EHMT2: variants seen among roughly 807,000 people sequenced by gnomAD.
The protein encoded by EHMT2 is euchromatic histone lysine methyltransferase 2, also known as histone-lysine N-methyltransferase EHMT2.
In EHMT2, 59 loss-of-function variants were observed where a neutral mutation model predicts 143.3. That is an observed-to-expected ratio of 0.41 (90% CI 0.33 to 0.51). The LOEUF (loss-of-function observed/expected upper bound fraction) is 0.51. Ranked by LOEUF, EHMT2 falls within the 20% of genes least tolerant of loss-of-function variation. EHMT2 has a pLI of 0.18. For synonymous variants in EHMT2, 604 were observed against 651.5 expected (o/e 0.93, Z 1.11); for missense variants, 1,174 against 1,645.9 (o/e 0.71, Z 4.96).
At position 31,883,460 on chromosome 6, in the gene EHMT2, T is replaced by C; in HGVS notation, c.2917-21A>G. On this transcript the variant is annotated intron_variant, in intron 22 of 27. Coordinates refer to ENST00000375537, the Ensembl canonical transcript of EHMT2. The surrounding 1 kb of genome is among the most constrained non-coding windows in gnomAD (Gnocchi z 5.6). ...CAGTGCTGGGGCGAGGAGGCAGAGG[T>C]CAGCTCAACCCCATGATCGGTCTGG... 3.7e-6 allele frequency: 6 copies of C among 1,607,404 alleles called. No individual in the cohort carries two copies. The highest frequency in any genetic ancestry group is 5.1e-6 in the Non-Finnish European group (6 of 1,177,224).
At chr6:31,893,104 C>T (rs1345915362) in intron 4 of EHMT2, 194 bp from the exon 5 acceptor site, 1 of 569,592 alleles carries the variant, frequency 1.8e-6, no homozygotes, top group African/African-American at 1.9e-5. Flanking sequence ...AACACTCACT[C>T]ATCTCTGCAA....
intron 7 of EHMT2, among the ~76,000 whole-genome samples, 165 bp downstream of exon 7, chr6:31,892,242 C>T (rs1179838033): frequency 6.6e-6 from 1 of 151,780 alleles, no homozygotes; most frequent in East Asian, 1.9e-4. Flanking sequence ...ATTCCGTCTC[C>T]CCCCACAAAA....
At position 31,886,804 on chromosome 6, in the gene EHMT2, C is replaced by T. The variant is rs760183254; in HGVS notation, c.2212G>A (p.Val738Met). 1.9e-6 allele frequency: 3 copies of T among 1,614,138 alleles called. No homozygotes were observed. Among genetic ancestry groups the T allele is most frequent in the Non-Finnish European group, 2.5e-6 (3 of 1,180,054 alleles). Residue 738 changes from valine (V) to methionine (M), a missense_variant, in exon 17 of 28, where the codon GTG (valine) becomes ATG (methionine). By Grantham distance (21) the Val-to-Met change is conservative. Around this residue, in one of 6 missense-constraint regions of EHMT2, gnomAD observed 608 missense variants for 903.7 expected, o/e 0.67. Transcript: ENST00000375537. Reference sequence around the variant, plus strand: ...CTATAGACACAGCCACCACGCTGCACCATGTAACGGGCTACCTCCAGGTGG... The same window carrying T: ...CTATAGACACAGCCACCACGCTGCATCATGTAACGGGCTACCTCCAGGTGG...
rs779555354 is a variant in EHMT2, at chr6:31,888,773, A to G, written c.1217-26T>C. The G allele has an allele frequency of 1.2e-6, 2 of 1,610,096 alleles. No individual in the cohort carries two copies. Among genetic ancestry groups the G allele is most frequent in the South Asian group, 2.2e-5 (2 of 90,940 alleles). ...CTTGGATGGAGGAAAAGAGGAGCTGAGGGAGGCTCTGCACCTCACCTACTG... is the reference window on the plus strand; with the variant it reads ...CTTGGATGGAGGAAAAGAGGAGCTGGGGGAGGCTCTGCACCTCACCTACTG... On this transcript the variant is annotated intron_variant, in intron 10 of 27. Transcript: ENST00000375537. The surrounding 1 kb of genome is among the most constrained non-coding windows in gnomAD (Gnocchi z 7.4).
intron 1 of EHMT2, 77 bp downstream of exon 1, chr6:31,897,559 G>C: frequency 2.9e-6 from 3 of 1,040,162 alleles, no homozygotes; most frequent in Non-Finnish European, 3.5e-6. Flanking sequence ...TTGCACCCCC[G>C]GAGCATTGCA....
In EHMT2 at chr6:31,892,380, G is replaced by A. The variant is rs546829629; in HGVS notation, c.864+27C>T. 255 of 1,606,184 alleles carry A rather than the reference G, an allele frequency of 1.6e-4. 3 individuals are homozygous for A. The South Asian group carries it at 1.8e-3, about 11-fold the overall frequency. On this transcript the variant is annotated intron_variant, in intron 7 of 27. Transcript: ENST00000375537. Reference sequence around the variant, plus strand: ...GCCCCAGCCCTGGGGGAGCACCGGCGGGGAGGGCAGACCAGCTCTGTCTCA... The same window carrying A: ...GCCCCAGCCCTGGGGGAGCACCGGCAGGGAGGGCAGACCAGCTCTGTCTCA...
chr6:31,883,004 C>T lies in EHMT2; in HGVS notation c.3000G>A (p.Gly1000=), dbSNP rs764263583. The T allele has an allele frequency of 2.5e-6, 4 of 1,612,746 alleles. No homozygotes were observed. The highest frequency in any genetic ancestry group is 1.1e-5 in the South Asian group (1 of 91,066). ...TCTTGTTAAATTCCTGGAGCAATCG[C>T]CCATCCTAGGGTGCGGAGGGGAGGA... The change falls in exon 24 of 28, where the codon GGG becomes GGA. Residue 1000 remains glycine (G), a synonymous_variant. Transcript: ENST00000375537. The surrounding 1 kb of genome is among the most constrained non-coding windows in gnomAD (Gnocchi z 5.6).
intron 4 of EHMT2, 178 bp from the exon 5 acceptor site, chr6:31,893,088 C>A: frequency 3.5e-6 from 2 of 575,276 alleles, no homozygotes; most frequent in South Asian, 4.6e-5. Context: ...GAGTGTCAAG[C>A]ACACTAACAC....
chr6:31,880,973 A>C lies in EHMT2; in HGVS notation c.3276+41T>G, dbSNP rs17201368. 7,646 of 1,609,358 alleles carry C rather than the reference A, an allele frequency of 4.8e-3. 287 individuals carry two copies. The African/African-American group carries it at 0.085, about 18-fold the overall frequency. On this transcript the variant is annotated intron_variant, in intron 26 of 27. Coordinates refer to ENST00000375537, the Ensembl canonical transcript of EHMT2. The surrounding 1 kb of genome is among the most constrained non-coding windows in gnomAD (Gnocchi z 6.6). ...GACTTCCCAGAGGCTCCTGAAAGCC[A>C]GCCCTGGGGAGCAGCAGGGTAAGGA...
In EHMT2 at chr6:31,880,032, A is replaced by C. The variant is rs188418210; in HGVS notation, c.*52T>G. ...GGCTGCGAGCAGCTGGTGGCAGAGG[A>C]GGCGGCTGAGCTGTGGCCATCCATG... On this transcript the variant is annotated 3_prime_UTR_variant, in exon 28 of 28. Coordinates refer to ENST00000375537, the Ensembl canonical transcript of EHMT2. This position sits in a 1 kb window ranked among gnomAD's most constrained non-coding sequence, Gnocchi z 6.6. 746 of 1,579,738 alleles carry C rather than the reference A, an allele frequency of 4.7e-4. 11 individuals are homozygous for C. In the East Asian group the frequency reaches 6.3e-3, roughly 13 times the overall value.
Position 31,892,395 on chromosome 6 carries a change from G to A in EHMT2, c.864+12C>T. The A allele has an allele frequency of 1.2e-6, 2 of 1,611,298 alleles. No individual in the cohort carries two copies. Among genetic ancestry groups the A allele is most frequent in the Non-Finnish European group, 8.5e-7 (1 of 1,178,788 alleles). On this transcript the variant is annotated intron_variant, in intron 7 of 27. Transcript: ENST00000375537. ...GAGCACCGGCGGGGAGGGCAGACCA[G>A]CTCTGTCTCACCTTGCTGTCGGAGT... is the stretch of plus-strand genomic sequence containing the variant.
At chr6:31,894,532 C>T (rs1156272598) in intron 4 of EHMT2, among the ~76,000 whole-genome samples, 1 of 151,870 alleles carries the variant, frequency 6.6e-6, no homozygotes, top group Non-Finnish European at 1.5e-5. Context: ...ATCCTCCCGC[C>T]TCGGCCTCCA....
Position 31,883,316 on chromosome 6 carries a change from C to T in EHMT2, c.2994+46G>A. The stretch of plus-strand genomic sequence containing the variant: ...GCTGGTTTATTGGAGGCTGGCTCCT[C>T]TGAAGGAGGGGCCGGGTGTCTGTGG... On this transcript the variant is annotated intron_variant, in intron 23 of 27. Transcript: ENST00000375537. This position sits in a 1 kb window ranked among gnomAD's most constrained non-coding sequence, Gnocchi z 5.6. The T allele has an allele frequency of 1.3e-6, 2 of 1,596,346 alleles. No homozygotes were observed. Among genetic ancestry groups the T allele is most frequent in the Non-Finnish European group, 1.7e-6 (2 of 1,166,128 alleles).
chr6:31,889,728 T>G lies in EHMT2; in HGVS notation c.865-126A>C, dbSNP rs1355953068. 1 of 1,227,318 alleles carries G rather than the reference T, an allele frequency of 8.1e-7. No individual in the cohort carries two copies. The highest frequency in any genetic ancestry group is 1.2e-6 in the Non-Finnish European group (1 of 861,120). The allele number at this position is 1,227,318 out of a possible 1,614,324, so 76.0% of individuals were successfully genotyped here. A position where few individuals can be genotyped will look rare whatever the true frequency, so the allele number is the denominator to read the frequency against. ...GATGGCTGCTGGGGATAAGTGTGGG[T>G]AGCAGAGGAGACAAAGGGCCACATA... On this transcript the variant is annotated intron_variant, in intron 7 of 27. Transcript: ENST00000375537. This position sits in a 1 kb window ranked among gnomAD's most constrained non-coding sequence, Gnocchi z 5.1.
rs940255172 is a variant in EHMT2 at position 31,883,173 on chromosome 6, A to G, written c.2995-164T>C. The G allele has an allele frequency of 4.6e-6, 4 of 866,754 alleles. No individual in the cohort carries two copies. The African/African-American group carries it at 6.7e-5, about 15-fold the overall frequency. 53.7% of individuals were successfully genotyped at this position (866,754 alleles called of 1,614,324 possible). On this transcript the variant is annotated intron_variant, in intron 23 of 27. Coordinates refer to ENST00000375537, the Ensembl canonical transcript of EHMT2. The surrounding 1 kb of genome is among the most constrained non-coding windows in gnomAD (Gnocchi z 5.6). Reference sequence around the variant, plus strand: ...TGCAGGAGCATCATCCCTGGTTTGCATAGACCTGGGCACACGCCCATCGCT... The same window carrying G: ...TGCAGGAGCATCATCCCTGGTTTGCGTAGACCTGGGCACACGCCCATCGCT...
rs1269102793 is a variant in EHMT2 at position 31,886,981 on chromosome 6, G to T, written c.2118+14C>A. The T allele has an allele frequency of 6.2e-7, 1 of 1,613,922 alleles. No individual in the cohort carries two copies. The highest frequency in any genetic ancestry group is 1.1e-5 in the South Asian group (1 of 91,080). On this transcript the variant is annotated intron_variant, in intron 16 of 27. Transcript: ENST00000375537. ...GGCCTGGTGAATGAGGCATGGGGCC[G>T]GGCCCGTGCTGACCTGCAGCAGCAC... is the stretch of plus-strand genomic sequence containing the variant.
At position 31,884,393 on chromosome 6, in the gene EHMT2, G is replaced by C. The variant is rs778474244; in HGVS notation, c.2770C>G (p.Arg924Gly). Residue 924 changes from arginine (R) to glycine (G), a missense_variant and splice_region_variant, in exon 21 of 28, where the codon CGG becomes GGG. Coordinates refer to ENST00000375537, the Ensembl canonical transcript of EHMT2. This position sits in a 1 kb window ranked among gnomAD's most constrained non-coding sequence, Gnocchi z 7.3. Reference sequence around the variant, plus strand: ...TGCAGAGAGGGGCCCAGGGCTCACCGGCAGATGATCTTCTCTGTGCGGATG... The same window carrying C: ...TGCAGAGAGGGGCCCAGGGCTCACCCGCAGATGATCTTCTCTGTGCGGATG... 1 of 1,611,126 alleles carries C rather than the reference G, an allele frequency of 6.2e-7. No homozygotes were observed. The highest frequency in any genetic ancestry group is 8.5e-7 in the Non-Finnish European group (1 of 1,179,452).
In EHMT2 at chr6:31,882,803, G is replaced by A. The variant is rs1220941538; in HGVS notation, c.3111-18C>T. ...GCCGCACCCTGGGGGTAGGAGAGAT[G>A]GCGCTGTTGGGTGGAGGCCCTGGAA... On this transcript the variant is annotated intron_variant, in intron 24 of 27. Transcript: ENST00000375537. 1.2e-6 allele frequency: 2 copies of A among 1,612,230 alleles called. No homozygotes were observed. Among genetic ancestry groups the A allele is most frequent in the African/African-American group, 1.3e-5 (1 of 75,028 alleles).
At chr6:31,885,252 C>T (rs527726505) in intron 18 of EHMT2, 8 of 448,470 alleles carry the variant, frequency 1.8e-5, no homozygotes, top group East Asian at 3.8e-5. Flanking sequence ...CCGAGGCGGG[C>T]GGATCACGAG....
Sources: gnomAD v4.1 joint callset for allele counts (sites outside exome capture counted in the v4.1 genomes callset) on GRCh38, gnomAD v4.1.1 for gene constraint, gnomAD v4.1.1 regional missense constraint, Gnocchi (gnomAD v3.1) non-coding constraint, MANE v1.5 for transcripts, NCBI Gene and HGNC (gene_info 2026-07-23, HGNC 2026-07-21) for gene names.